Variants in PTPRG observed in about 807,000 individuals in gnomAD.
PTPRG encodes receptor-type tyrosine-protein phosphatase gamma.
Under a neutral mutation model 165.3 loss-of-function variants are expected in PTPRG, and 102 were observed. The ratio of observed to expected loss-of-function variants is 0.62; its 90% CI spans 0.53 to 0.73. PTPRG has a LOEUF of 0.73. PTPRG is among the 30% of genes least tolerant of loss of function. PTPRG has a pLI of 0.00. For missense variants in PTPRG, 1,866 were observed against 1,861.4 expected, an observed-to-expected ratio of 1.00 and a Z score of -0.05; for synonymous variants, 675 against 669.5, an observed-to-expected ratio of 1.01 and a Z score of -0.13.
At chr3:61,585,417 T>C (rs565141183) in intron 1 of PTPRG, among the ~76,000 whole-genome samples, 112 of 152,240 alleles carry the variant, frequency 7.4e-4, no homozygotes, top group Non-Finnish European at 1.4e-3. Flanking sequence ...CATTTGGTAC[T>C]ATAGCCATTG....
intron 1 of PTPRG, among the ~76,000 whole-genome samples, chr3:61,648,122 T>C (rs1702254240): frequency 6.6e-6 from 1 of 152,028 alleles, no homozygotes; most frequent in South Asian, 2.1e-4. Context: ...CACCTGAGAA[T>C]ATCCTGACAG....
At chr3:62,142,204 G>T (rs1282192921) in intron 6 of PTPRG, among the ~76,000 whole-genome samples, 1 of 151,932 alleles carries the variant, frequency 6.6e-6, no homozygotes, top group Non-Finnish European at 1.5e-5. Context: ...AAAACATTGT[G>T]CATTCCCAAA....
In PTPRG at chr3:61,568,618, T is replaced by A. The variant is rs552799232; in HGVS notation, c.85+6246T>A. On this transcript the variant is annotated intron_variant, in intron 1 of 29. Transcript: ENST00000474889. ...GCCCTTAATACAACTGTAAAAAAAA[T>A]TTTTTTTTTGGCCTGGCATGGTGGC... is the stretch of plus-strand genomic sequence containing the variant. Among the ~76,000 whole-genome samples, 104 of 149,256 alleles carry A rather than the reference T, an allele frequency of 7.0e-4. No homozygotes were observed. The East Asian group carries it at 7.5e-3, about 11-fold the overall frequency.
intron 2 of PTPRG, among the ~76,000 whole-genome samples, chr3:61,904,673 A>C (rs908031420): frequency 6.6e-6 from 1 of 152,182 alleles, no homozygotes; most frequent in African/African-American, 2.4e-5. Context: ...CTCAGAATTT[A>C]ATGTAGTCTT....
intron 1 of PTPRG, among the ~76,000 whole-genome samples, chr3:61,582,029 G>A (rs1024529833): frequency 4.0e-5 from 6 of 151,852 alleles, no homozygotes; most frequent in South Asian, 2.1e-4. Flanking sequence ...GTGCAGTGGC[G>A]TGATCTCCCC....
intron 2 of PTPRG, among the ~76,000 whole-genome samples, chr3:61,869,450 G>A (rs985048258): frequency 6.6e-5 from 10 of 152,156 alleles, no homozygotes; most frequent in Non-Finnish European, 1.3e-4. Context: ...TCAGTCAGGT[G>A]GTTGCACGTT....
intron 2 of PTPRG, among the ~76,000 whole-genome samples, chr3:61,769,066 T>TA (rs1022729328): frequency 6.6e-6 from 1 of 152,218 alleles, no homozygotes; most frequent in African/African-American, 2.4e-5. Flanking sequence ...CCTTGGGGGA[T>TA]AAAATGCCAT....
rs199959233 is a variant in PTPRG at position 62,217,995 on chromosome 3, CT to C, written c.2156-854del. The C allele has an allele frequency of 6.6e-6, 1 of 152,190 alleles. No individual in the cohort carries two copies. The highest frequency in any genetic ancestry group is 2.4e-5 in the African/African-American group (1 of 41,390). The allele number at this position is 152,190 out of a possible 1,614,324, so 9.4% of individuals were successfully genotyped here. ...AATAGGGTGTGGTATGGCTTCCTGT[CT>C]TGGGAAAGAAAATAGGAGCTTTTGG... On this transcript the variant is annotated intron_variant, in intron 12 of 29. Transcript: ENST00000474889. This position sits in a 1 kb window ranked among gnomAD's most constrained non-coding sequence, Gnocchi z 4.3.
At chr3:61,796,110 C>T (rs575227059) in intron 2 of PTPRG, among the ~76,000 whole-genome samples, 1 of 152,142 alleles carries the variant, frequency 6.6e-6, no homozygotes, top group Non-Finnish European at 1.5e-5. Context: ...CCAGAGGGGA[C>T]GTCCTCATAG....
chr3:62,023,467 C>T (rs1169135067), intron 4 of PTPRG, among the ~76,000 whole-genome samples: 6 of 152,106 alleles, frequency 3.9e-5, no homozygotes, highest in African/African-American at 1.4e-4. Flanking sequence ...TTTCTCCAGT[C>T]ATTTTTCTTC....
At chr3:62,022,690 G>C (rs2041725634) in intron 4 of PTPRG, among the ~76,000 whole-genome samples, 1 of 152,130 alleles carries the variant, frequency 6.6e-6, no homozygotes, top group Non-Finnish European at 1.5e-5. Flanking sequence ...GGGTGGATTA[G>C]TAAATCGATT....
intron 1 of PTPRG, among the ~76,000 whole-genome samples, chr3:61,738,971 CTT>C (rs1174097640): frequency 2.3e-5 from 1 of 43,684 alleles, no homozygotes; most frequent in African/African-American, 8.8e-5. Flanking sequence ...TGCTCTGTTG[CTT>C]TTTTTTTTTT....
At chr3:61,919,482 G>A (rs1259029571) in intron 2 of PTPRG, among the ~76,000 whole-genome samples, 2 of 152,090 alleles carry the variant, frequency 1.3e-5, no homozygotes, top group African/African-American at 4.8e-5. Flanking sequence ...AAACAGCTTT[G>A]TGCCTCCCTC....
At position 61,745,365 on chromosome 3, in the gene PTPRG, T is replaced by G. The variant is rs2033157861; in HGVS notation, c.86-3513T>G. Among the ~76,000 whole-genome samples the G allele has an allele frequency of 2.6e-5, 4 of 152,264 alleles. No homozygotes were observed. In the South Asian group the frequency reaches 6.2e-4, roughly 24 times the overall value. On this transcript the variant is annotated intron_variant, in intron 1 of 29. Transcript: ENST00000474889. ...CTGGCTGCCATTCCCTCACTGTTGA[T>G]GAACACACACCATGCGCTGATTTCC...
At chr3:61,594,623 A>G (rs1026715765) in intron 1 of PTPRG, among the ~76,000 whole-genome samples, 1 of 152,088 alleles carries the variant, frequency 6.6e-6, no homozygotes, top group Non-Finnish European at 1.5e-5. Context: ...TGTTAGGTAG[A>G]CTGTTACTCA....
chr3:61,641,955 T>C (rs558727064), intron 1 of PTPRG, among the ~76,000 whole-genome samples: 38 of 152,220 alleles, frequency 2.5e-4, no homozygotes, highest in African/African-American at 9.2e-4. Flanking sequence ...GAGGAGACCT[T>C]GTTGGTTATA....
At chr3:61,894,330 AAAAAG>A (rs1575761322) in intron 2 of PTPRG, among the ~76,000 whole-genome samples, 1 of 143,256 alleles carries the variant, frequency 7.0e-6, no homozygotes, top group African/African-American at 2.7e-5. Flanking sequence ...AAAAAAAAAA[AAAAAG>A]GTCAGCTTTT....
At chr3:61,569,694 G>C (rs1041033077) in intron 1 of PTPRG, among the ~76,000 whole-genome samples, 1 of 152,184 alleles carries the variant, frequency 6.6e-6, no homozygotes, top group African/African-American at 2.4e-5. Context: ...AAGGACAACT[G>C]TATGTATAGA....
chr3:61,792,094 G>A (rs1310022997), intron 2 of PTPRG, among the ~76,000 whole-genome samples: 1 of 152,230 alleles, frequency 6.6e-6, no homozygotes, highest in South Asian at 2.1e-4. Flanking sequence ...GGAGTTTTTA[G>A]GGGAGCACGG....
Sources: allele counts gnomAD v4.1 joint callset (sites outside exome capture counted in the v4.1 genomes callset), GRCh38; gene constraint gnomAD v4.1.1; non-coding constraint Gnocchi (gnomAD v3.1); transcripts MANE v1.5; gene names NCBI Gene and HGNC (gene_info 2026-07-23, HGNC 2026-07-21).